APCDD1: variants seen among roughly 807,000 people sequenced by gnomAD.
APCDD1 encodes the protein protein APCDD1.
APCDD1 carries 15 observed loss-of-function variants against 38.1 expected under a neutral mutation model. The ratio of observed to expected loss-of-function variants is 0.39; its 90% CI spans 0.26 to 0.61. The LOEUF (loss-of-function observed/expected upper bound fraction) is 0.61. Among genes scored for constraint, APCDD1 ranks in the 20% least tolerant of loss-of-function variants. APCDD1 has a pLI of 0.49. For missense variants in APCDD1, 647 were observed against 696.2 expected, an observed-to-expected ratio of 0.93 and a Z score of 0.79; for synonymous variants, 261 against 279.7, an observed-to-expected ratio of 0.93 and a Z score of 0.67.
rs1252811657 is a variant in APCDD1 at position 10,475,120 on chromosome 18, T to C, written c.774+3059T>C. Among the ~76,000 whole-genome samples, 1 of 152,188 alleles carries C rather than the reference T, an allele frequency of 6.6e-6. No individual in the cohort carries two copies. Among genetic ancestry groups the C allele is most frequent in the Non-Finnish European group, 1.5e-5 (1 of 68,032 alleles). ...TCAGGATAGGGCCTGAATGCAAAGC[T>C]CCATCTCTCTTAACCTAGAGTAAGT... On this transcript the variant is annotated intron_variant, in intron 3 of 4. Transcript: ENST00000355285. The surrounding 1 kb of genome is among the most constrained non-coding windows in gnomAD (Gnocchi z 4.0).
At position 10,485,542 on chromosome 18, in the gene APCDD1, A is replaced by G. The variant is rs2031230624; in HGVS notation, c.855A>G (p.Ala285=). 1 of 1,614,170 alleles carries G rather than the reference A, an allele frequency of 6.2e-7. No individual in the cohort carries two copies. The highest frequency in any genetic ancestry group is 1.3e-5 in the African/African-American group (1 of 75,044). Residue 285 remains alanine (A), a synonymous_variant, in exon 4 of 5, where the codon GCA becomes GCG. Coordinates refer to ENST00000355285, the MANE Select transcript of APCDD1 (RefSeq NM_153000.5). The surrounding 1 kb of genome is among the most constrained non-coding windows in gnomAD (Gnocchi z 5.8). ...EHHPPILPPK[A]DLTIGLHGEW... Reference sequence around the variant, plus strand: ...ACCCTCCCATCCTGCCCCCAAAGGCAGACCTGACCATCGGCCTGCACGGGG... The same window carrying G: ...ACCCTCCCATCCTGCCCCCAAAGGCGGACCTGACCATCGGCCTGCACGGGG...
rs376738259 is a variant in APCDD1, at chr18:10,471,713, A to G, written c.426A>G (p.Glu142=). 9 of 1,614,032 alleles carry G rather than the reference A, an allele frequency of 5.6e-6. No individual in the cohort carries two copies. Among genetic ancestry groups the G allele is most frequent in the African/African-American group, 1.3e-5 (1 of 74,924 alleles). Residue 142 remains glutamate, a synonymous_variant, in exon 3 of 5, where the codon GAA becomes GAG. Coordinates refer to ENST00000355285, the MANE Select transcript of APCDD1 (RefSeq NM_153000.5). The surrounding 1 kb of genome is among the most constrained non-coding windows in gnomAD (Gnocchi z 5.5). ...CCTGGATCATCCGAGGGGGCACGGA[A>G]GCCGACTACCAGCTGCACAACGTCC... ...QASWIIRGGT[E]ADYQLHNVQV...
chr18:10,484,397 A>T (rs957020896), intron 3 of APCDD1, among the ~76,000 whole-genome samples: 2 of 152,170 alleles, frequency 1.3e-5, no homozygotes, highest in African/African-American at 2.4e-5. Flanking sequence ...GTGTCTCCTA[A>T]CTTTTTTTAT....
chr18:10,474,347 T>G (rs996615918), intron 3 of APCDD1: 2 of 152,250 alleles, frequency 1.3e-5, no homozygotes, highest in Non-Finnish European at 2.9e-5. Flanking sequence ...CGCCGTTCCC[T>G]CGGGGCCTTT....
rs750246771 is a variant in APCDD1, at chr18:10,487,708, C to T, written c.1215C>T (p.Thr405=). ...AGGTGGGCATCCAGCAGGATGTGACCCACACCAATGGCTGCGTGGCCCTGG... is the reference window on the plus strand; with the variant it reads ...AGGTGGGCATCCAGCAGGATGTGACTCACACCAATGGCTGCGTGGCCCTGG... ...SWQVGIQQDV[T]HTNGCVALGI... is the part of the protein sequence containing the mutation. The change falls in exon 5 of 5, where the codon ACC becomes ACT. Residue 405 remains threonine, a synonymous_variant. Transcript: ENST00000355285. 2 of 1,614,010 alleles carry T rather than the reference C, an allele frequency of 1.2e-6. No individual in the cohort carries two copies. Among genetic ancestry groups the T allele is most frequent in the East Asian group, 2.2e-5 (1 of 44,892 alleles).
Position 10,485,699 on chromosome 18 carries a change from A to G in APCDD1, c.1012A>G (p.Thr338Ala), listed in dbSNP as rs1433152917. 1 of 1,613,988 alleles carries G rather than the reference A, an allele frequency of 6.2e-7. No homozygotes were observed. Among genetic ancestry groups the G allele is most frequent in the Non-Finnish European group, 8.5e-7 (1 of 1,180,036 alleles). ...HYSDPVCKHP[T>A]FSIYARGRYS... is the part of the protein sequence containing the mutation. ...CTCAGACCCGGTGTGCAAGCACCCC[A>G]CCTTCTCCATCTACGCCCGGGGCCG... The change falls in exon 4 of 5, where the codon ACC (threonine) becomes GCC (alanine). Residue 338 changes from threonine (T) to alanine (A), a missense_variant. Thr to Ala is a moderately conservative substitution (Grantham distance 58). Transcript: ENST00000355285. This position sits in a 1 kb window ranked among gnomAD's most constrained non-coding sequence, Gnocchi z 5.8.
intron 3 of APCDD1, chr18:10,474,203 C>A (rs1485830101): frequency 6.6e-6 from 1 of 152,228 alleles, no homozygotes; most frequent in Non-Finnish European, 1.5e-5. Context: ...GGATTACAGG[C>A]GTGAGCCACC....
intron 1 of APCDD1, among the ~76,000 whole-genome samples, chr18:10,464,310 A>AC (rs1233356956): frequency 1.0e-3 from 135 of 129,704 alleles, no homozygotes; most frequent in African/African-American, 4.6e-3. Flanking sequence ...GCTTCAAAGT[A>AC]AACACACACA....
chr18:10,479,384 C>T (rs1342609173), intron 3 of APCDD1, among the ~76,000 whole-genome samples: 1 of 152,170 alleles, frequency 6.6e-6, no homozygotes, highest in Non-Finnish European at 1.5e-5. Context: ...TTGATCTGTT[C>T]ACAAGATCAC....
In APCDD1 at chr18:10,488,850, C is replaced by CA. The variant is rs1366840901; in HGVS notation, c.*813dup. The CA allele has an allele frequency of 1.8e-4, 26 of 141,406 alleles. No individual in the cohort carries two copies. The highest frequency in any genetic ancestry group is 1.8e-3 in the Admixed American group (26 of 14,708). The allele number at this position is 141,406 out of a possible 1,614,324, so 8.8% of individuals were successfully genotyped here. A position where few individuals can be genotyped will look rare whatever the true frequency, so the allele number is the denominator to read the frequency against. On this transcript the variant is annotated 3_prime_UTR_variant, in exon 5 of 5. Coordinates refer to ENST00000355285, the MANE Select transcript of APCDD1 (RefSeq NM_153000.5). ...CAATCCTGTTACACAGGAGCAGTGACACGGGTGGCTGCAGTGTGGTACATG... is the reference window on the plus strand; with the variant it reads ...CAATCCTGTTACACAGGAGCAGTGACAACGGGTGGCTGCAGTGTGGTACATG...
At chr18:10,482,741 G>T (rs1219708731) in intron 3 of APCDD1, among the ~76,000 whole-genome samples, 9 of 152,206 alleles carry the variant, frequency 5.9e-5, no homozygotes, top group Admixed American at 2.0e-4. Context: ...GACTGTTCCA[G>T]CAGTTATGCA....
chr18:10,455,473 G>A (rs1402290228), intron 1 of APCDD1, among the ~76,000 whole-genome samples: 1 of 152,194 alleles, frequency 6.6e-6, no homozygotes, highest in Non-Finnish European at 1.5e-5. Flanking sequence ...AAGCGTTTAG[G>A]AGAGTGGAAA....
chr18:10,481,148 C>T (rs892874564), intron 3 of APCDD1, among the ~76,000 whole-genome samples: 1 of 151,956 alleles, frequency 6.6e-6, no homozygotes, highest in Non-Finnish European at 1.5e-5. Context: ...TACGGTGGTT[C>T]CCCCCAAAAA....
Position 10,471,592 on chromosome 18 carries a change from C to T in APCDD1, c.305C>T (p.Thr102Ile), listed in dbSNP as rs866722203. ...TRSYRFYHNN[T>I]FKAYQFYYGS... ...TCCTACAGATTCTACCACAATAACA[C>T]CTTCAAGGCCTACCAATTTTATTAT... is the stretch of plus-strand genomic sequence containing the variant. Residue 102 changes from threonine (T) to isoleucine (I), a missense_variant, in exon 3 of 5, where the codon ACC (threonine) becomes ATC (isoleucine). Coordinates refer to ENST00000355285, the MANE Select transcript of APCDD1 (RefSeq NM_153000.5). This position sits in a 1 kb window ranked among gnomAD's most constrained non-coding sequence, Gnocchi z 5.5. 1.2e-6 allele frequency: 2 copies of T among 1,614,218 alleles called. No homozygotes were observed. The highest frequency in any genetic ancestry group is 1.7e-6 in the Non-Finnish European group (2 of 1,180,038).
intron 3 of APCDD1, among the ~76,000 whole-genome samples, chr18:10,479,927 T>C (rs1307919249): frequency 6.6e-6 from 1 of 152,266 alleles, no homozygotes; most frequent in Non-Finnish European, 1.5e-5. Flanking sequence ...TTCTCATTTT[T>C]AGAACAAGTT....
chr18:10,484,430 A>G (rs967322817), intron 3 of APCDD1, among the ~76,000 whole-genome samples: 9 of 152,234 alleles, frequency 5.9e-5, no homozygotes, highest in African/African-American at 2.2e-4. Context: ...TAATTGTGGT[A>G]AAATACACAT....
chr18:10,485,701 C>CT lies in APCDD1; in HGVS notation c.1016dup (p.Ser340LeufsTer50), dbSNP rs747448782. 6.2e-7 allele frequency: 1 copy of CT among 1,614,190 alleles called. No individual in the cohort carries two copies. The highest frequency in any genetic ancestry group is 1.1e-5 in the South Asian group (1 of 91,088). ...CAGACCCGGTGTGCAAGCACCCCAC[C>CT]TTCTCCATCTACGCCCGGGGCCGCT... is the stretch of plus-strand genomic sequence containing the variant. On this transcript the variant is annotated frameshift_variant, in exon 4 of 5. Coordinates refer to ENST00000355285, the MANE Select transcript of APCDD1 (RefSeq NM_153000.5). LOFTEE classifies it high-confidence loss of function. This position sits in a 1 kb window ranked among gnomAD's most constrained non-coding sequence, Gnocchi z 5.8.
chr18:10,483,692 G>C (rs143300686), intron 3 of APCDD1, among the ~76,000 whole-genome samples: 228 of 152,322 alleles, frequency 1.5e-3, no homozygotes, highest in East Asian at 0.015. Context: ...GTCAGTGGGT[G>C]CCCCTCAGCC....
chr18:10,484,796 C>T (rs754427136), intron 3 of APCDD1, among the ~76,000 whole-genome samples: 11 of 151,346 alleles, frequency 7.3e-5, no homozygotes, highest in Non-Finnish European at 1.5e-4. Flanking sequence ...ATGGATAGAC[C>T]GCATTTTGTT....
Sources: gnomAD v4.1 joint callset for allele counts (sites outside exome capture counted in the v4.1 genomes callset) on GRCh38, gnomAD v4.1.1 for gene constraint, Gnocchi (gnomAD v3.1) non-coding constraint, MANE v1.5 for transcripts, NCBI Gene and HGNC (gene_info 2026-07-23, HGNC 2026-07-21) for gene names.